Variants in GYPC observed in about 807,000 individuals in gnomAD.
GYPC encodes the protein glycophorin-C.
In GYPC, 14 loss-of-function variants were observed where a neutral mutation model predicts 12.6. That is an observed-to-expected ratio of 1.11 (90% confidence interval 0.74 to 1.74). The LOEUF is 1.74. GYPC is among the 40% of genes most tolerant of loss of function. The pLI is 0.00. For synonymous variants in GYPC, 78 were observed against 62.1 expected (o/e 1.26, Z -1.20); for missense variants, 225 against 172.1 (o/e 1.31, Z -1.72).
At chr2:126,691,837 T>G (rs1180087324) in intron 2 of GYPC, among the ~76,000 whole-genome samples, 1 of 152,202 alleles carries the variant, frequency 6.6e-6, no homozygotes, top group African/African-American at 2.4e-5. Context: ...ACTGTCCTAA[T>G]AAATGCTGTC....
intron 3 of GYPC, among the ~76,000 whole-genome samples, chr2:126,694,948 G>T (rs1163511031): frequency 1.3e-5 from 2 of 152,058 alleles, no homozygotes; most frequent in Non-Finnish European, 2.9e-5. Flanking sequence ...CACCCCTCTG[G>T]AGTCCCAGCA....
At position 126,696,496 on chromosome 2, in the gene GYPC, C is replaced by CG; in HGVS notation, c.*359dup. ...GAGGGTGAGGGGGTGCTGGGGTACC[C>CG]GGGGGCTGGGGAAGCAAGGAAATAA... On this transcript the variant is annotated 3_prime_UTR_variant, in exon 4 of 4. Coordinates refer to ENST00000259254, the MANE Select transcript of GYPC (RefSeq NM_002101.5). The CG allele has an allele frequency of 2.8e-6, 1 of 354,496 alleles. No homozygotes were observed. Among genetic ancestry groups the CG allele is most frequent in the East Asian group, 7.0e-5 (1 of 14,344 alleles). 22.0% of individuals were successfully genotyped at this position (354,496 alleles called of 1,614,324 possible).
intron 1 of GYPC, among the ~76,000 whole-genome samples, chr2:126,676,140 G>T (rs1433437698): frequency 6.6e-6 from 1 of 152,106 alleles, no homozygotes; most frequent in African/African-American, 2.4e-5. Context: ...TGTCTTTTTG[G>T]GTAACTGCTT....
At chr2:126,672,094 A>C (rs1682869763) in intron 1 of GYPC, among the ~76,000 whole-genome samples, 1 of 152,134 alleles carries the variant, frequency 6.6e-6, no homozygotes, top group African/African-American at 2.4e-5. Context: ...GGGAAAAGGT[A>C]ACTGAGAGAT....
chr2:126,689,289 T>A (rs1426522895), intron 1 of GYPC, among the ~76,000 whole-genome samples: 1 of 152,156 alleles, frequency 6.6e-6, no homozygotes, highest in Non-Finnish European at 1.5e-5. Flanking sequence ...GGATGAGCTG[T>A]GTGATCATGG....
At chr2:126,674,094 T>C (rs184083970) in intron 1 of GYPC, among the ~76,000 whole-genome samples, 9 of 152,294 alleles carry the variant, frequency 5.9e-5, no homozygotes, top group African/African-American at 1.7e-4. Flanking sequence ...TGAGTGTGCC[T>C]GGGCATTGTA....
chr2:126,691,716 T>G (rs1212707053), intron 2 of GYPC, among the ~76,000 whole-genome samples: 3 of 152,168 alleles, frequency 2.0e-5, no homozygotes, highest in African/African-American at 7.2e-5. Context: ...AAGGACCATG[T>G]TAAATTGCTT....
At chr2:126,688,225 A>T (rs1212331945) in intron 1 of GYPC, among the ~76,000 whole-genome samples, 1 of 152,248 alleles carries the variant, frequency 6.6e-6, no homozygotes, top group African/African-American at 2.4e-5. Context: ...ACAAACTGTC[A>T]TAAGAAATGC....
At chr2:126,669,339 A>C (rs959676332) in intron 1 of GYPC, among the ~76,000 whole-genome samples, 2 of 152,114 alleles carry the variant, frequency 1.3e-5, no homozygotes, top group African/African-American at 4.8e-5. Context: ...CCCCCTCCTC[A>C]GGGTACAGGA....
intron 1 of GYPC, among the ~76,000 whole-genome samples, chr2:126,660,158 G>A (rs1409180649): frequency 2.0e-5 from 3 of 152,226 alleles, no homozygotes; most frequent in Non-Finnish European, 4.4e-5. Flanking sequence ...AGGGCCTGCT[G>A]CTGTGGCTCT....
At chr2:126,686,746 A>C (rs776803887) in intron 1 of GYPC, 1 of 951,992 alleles carries the variant, frequency 1.1e-6, no homozygotes, top group African/African-American at 1.8e-5. Context: ...AGGTCCTCTC[A>C]TGTCTGTCCA....
At chr2:126,689,965 A>G (rs965868693) in intron 1 of GYPC, among the ~76,000 whole-genome samples, 4 of 152,200 alleles carry the variant, frequency 2.6e-5, no homozygotes, top group East Asian at 3.8e-4. Context: ...CATCTACCAC[A>G]TGCAGGCACC....
chr2:126,694,196 A>G (rs1225944772), intron 3 of GYPC, among the ~76,000 whole-genome samples: 1 of 152,170 alleles, frequency 6.6e-6, no homozygotes, highest in Non-Finnish European at 1.5e-5. Flanking sequence ...ACAGGAACTC[A>G]GGAGCTGGAG....
At position 126,693,892 on chromosome 2, in the gene GYPC, G is replaced by A. The variant is rs557592062; in HGVS notation, c.135G>A (p.Pro45=). ...CTGATCCAGGGATGTCTGGATGGCC[G>A]GATGGCAGAATGGAGACCTCCACCC... ...AEPDPGMSGW[P]DGRMETSTPT... is the part of the protein sequence containing the mutation. The change falls in exon 3 of 4, where the codon CCG becomes CCA. Residue 45 remains proline (P), a synonymous_variant. Transcript: ENST00000259254. 5.4e-5 allele frequency: 87 copies of A among 1,612,174 alleles called. No individual in the cohort carries two copies. The highest frequency in any genetic ancestry group is 2.0e-4 in the East Asian group (9 of 44,860).
intron 1 of GYPC, chr2:126,686,200 A>G (rs1264605041): frequency 1.0e-6 from 1 of 985,248 alleles, no homozygotes; most frequent in African/African-American, 1.7e-5. Context: ...TTCCAGCCTC[A>G]GGGCTAGCAC....
rs1442326278 is a variant in GYPC, at chr2:126,691,093, C to T, written c.106+782C>T. Among the ~76,000 whole-genome samples, 7 of 152,018 alleles carry T rather than the reference C, an allele frequency of 4.6e-5. No individual in the cohort carries two copies. The East Asian group carries it at 1.2e-3, about 25-fold the overall frequency. On this transcript the variant is annotated intron_variant, in intron 2 of 3. Coordinates refer to ENST00000259254, the MANE Select transcript of GYPC (RefSeq NM_002101.5). ...ACATTATGCAGATACAAGTGTTCCCCTGAAGGCAGTAGGAAGTTTAGGAAA... is the reference window on the plus strand; with the variant it reads ...ACATTATGCAGATACAAGTGTTCCCTTGAAGGCAGTAGGAAGTTTAGGAAA...
intron 1 of GYPC, among the ~76,000 whole-genome samples, chr2:126,666,215 T>C (rs1209708871): frequency 6.6e-6 from 1 of 151,792 alleles, no homozygotes; most frequent in African/African-American, 2.4e-5. Context: ...GGGGAAGGAG[T>C]GGGCAGCTGC....
intron 1 of GYPC, chr2:126,686,443 A>G (rs1683291198): frequency 1.0e-6 from 1 of 985,502 alleles, no homozygotes; most frequent in East Asian, 1.1e-4. Flanking sequence ...GAATGACTGT[A>G]GCCAATGGCA....
At chr2:126,665,897 G>T (rs557372113) in intron 1 of GYPC, among the ~76,000 whole-genome samples, 2 of 152,146 alleles carry the variant, frequency 1.3e-5, no homozygotes, top group Non-Finnish European at 2.9e-5. Context: ...TCACTGACAC[G>T]CTCTCTCCTG....
Sources: allele counts gnomAD v4.1 joint callset (sites outside exome capture counted in the v4.1 genomes callset), GRCh38; gene constraint gnomAD v4.1.1; transcripts MANE v1.5; gene names NCBI Gene and HGNC (gene_info 2026-07-23, HGNC 2026-07-21).